The following RGS5 variants were observed in gnomAD, a reference collection of about 807,000 sequenced individuals.
RGS5 encodes the protein regulator of G-protein signalling 5.
RGS5 carries 20 observed loss-of-function variants against 18.9 expected under a neutral mutation model. The ratio of observed to expected loss-of-function variants is 1.06; its 90% confidence interval spans 0.74 to 1.54. The LOEUF (loss-of-function observed/expected upper bound fraction) is 1.54. Ranked by LOEUF, RGS5 falls within the 40% of genes most tolerant of loss-of-function variation. The pLI, the probability that RGS5 is intolerant of heterozygous loss-of-function variation, is 0.00. For missense variants in RGS5, 201 were observed against 211.8 expected, an observed-to-expected ratio of 0.95 and a Z score of 0.32; for synonymous variants, 57 against 76.2, an observed-to-expected ratio of 0.75 and a Z score of 1.31.
chr1:163,306,308 G>T (rs983358234), exon 2 of RGS5: 1 of 152,188 alleles, frequency 6.6e-6, no homozygotes, highest in Non-Finnish European at 1.5e-5. Context: ...TATCCAGACA[G>T]TGCTTTTTAA....
intron 1 of RGS5, among the ~76,000 whole-genome samples, chr1:163,314,354 T>C (rs1238633254): frequency 2.0e-5 from 3 of 152,118 alleles, no homozygotes; most frequent in Non-Finnish European, 2.9e-5. Flanking sequence ...TTGGTACTTA[T>C]ATAGAAATGC....
At chr1:163,302,509 G>A (rs1054292903) in intron 2 of RGS5, among the ~76,000 whole-genome samples, 1 of 152,110 alleles carries the variant, frequency 6.6e-6, no homozygotes, top group Non-Finnish European at 1.5e-5. Context: ...ACTCTCCCTT[G>A]TCGCTACTGG....
At chr1:163,246,102 A>C (rs1647925840) in intron 2 of RGS5, among the ~76,000 whole-genome samples, 1 of 152,084 alleles carries the variant, frequency 6.6e-6, no homozygotes, top group African/African-American at 2.4e-5. Context: ...CTGCAGTCCC[A>C]GCTACTCGGG....
rs1409918283 is a variant in RGS5 at position 163,275,299 on chromosome 1, A to G, written c.-281+30934T>C. Among the ~76,000 whole-genome samples the G allele has an allele frequency of 2.0e-5, 3 of 151,400 alleles. No individual in the cohort carries two copies. In the East Asian group the frequency reaches 5.8e-4, roughly 29 times the overall value. Reference sequence around the variant, plus strand: ...CTGATCAACCTAGGACATTCAATAAATCTTCTTAGTGCCCCCAGGTTTAGC... The same window carrying G: ...CTGATCAACCTAGGACATTCAATAAGTCTTCTTAGTGCCCCCAGGTTTAGC... On this transcript the variant is annotated intron_variant, in intron 2 of 5. Coordinates refer to the RGS5 transcript ENST00000618415.
At chr1:163,255,565 T>C (rs1648249563) in intron 2 of RGS5, among the ~76,000 whole-genome samples, 1 of 151,184 alleles carries the variant, frequency 6.6e-6, no homozygotes, top group Non-Finnish European at 1.5e-5. Context: ...CTTCTGAAAC[T>C]ATTCCAATCA....
chr1:163,151,923 A>C (rs551528505), intron 4 of RGS5, among the ~76,000 whole-genome samples: 1 of 152,334 alleles, frequency 6.6e-6, no homozygotes, highest in Non-Finnish European at 1.5e-5. Flanking sequence ...AAGATATCTT[A>C]ATATGAGACC....
rs1424040344 is a variant in RGS5, at chr1:163,142,662, T to C, written c.*4680A>G. 5 of 152,324 alleles carry C rather than the reference T, an allele frequency of 3.3e-5. No individual in the cohort carries two copies. Among genetic ancestry groups the C allele is most frequent in the Non-Finnish European group, 2.9e-5 (2 of 68,026 alleles). 9.4% of individuals were successfully genotyped at this position (152,324 alleles called of 1,614,324 possible). ...AGTGGCAAATTTCTCAGCATTTCTCTTTGTTTTGTCTATGCCTTAGCCTGT... is the reference window on the plus strand; with the variant it reads ...AGTGGCAAATTTCTCAGCATTTCTCCTTGTTTTGTCTATGCCTTAGCCTGT... On this transcript the variant is annotated 3_prime_UTR_variant, in exon 5 of 5. Coordinates refer to ENST00000313961, the MANE Select transcript of RGS5 (RefSeq NM_003617.4).
At chr1:163,261,073 T>C (rs898506528) in intron 2 of RGS5, among the ~76,000 whole-genome samples, 1 of 150,134 alleles carries the variant, frequency 6.7e-6, no homozygotes, top group African/African-American at 2.4e-5. Context: ...TCAGATGTGA[T>C]TGAAATTTAA....
chr1:163,303,502 T>C (rs1649617517), intron 2 of RGS5, among the ~76,000 whole-genome samples: 1 of 152,196 alleles, frequency 6.6e-6, no homozygotes, highest in Non-Finnish European at 1.5e-5. Context: ...TCTTTAAAAT[T>C]GGAACTTAAA....
intron 2 of RGS5, among the ~76,000 whole-genome samples, chr1:163,270,577 A>G (rs1234589054): frequency 6.6e-6 from 1 of 152,094 alleles, no homozygotes; most frequent in African/African-American, 2.4e-5. Context: ...TCTGTAGTTA[A>G]TTCAATTTGT....
At chr1:163,196,808 C>T (rs1659579615) in intron 1 of RGS5, among the ~76,000 whole-genome samples, 1 of 152,152 alleles carries the variant, frequency 6.6e-6, no homozygotes, top group Non-Finnish European at 1.5e-5. Context: ...TAGCAACACA[C>T]ACTCTTTTTC....
At chr1:163,289,085 TCA>T (rs1236241260) in intron 2 of RGS5, among the ~76,000 whole-genome samples, 1 of 152,116 alleles carries the variant, frequency 6.6e-6, no homozygotes, top group African/African-American at 2.4e-5. Flanking sequence ...TCAAATAAAT[TCA>T]CATTTATATT....
chr1:163,187,106 T>C (rs1272697833), intron 1 of RGS5, among the ~76,000 whole-genome samples: 1 of 152,148 alleles, frequency 6.6e-6, no homozygotes, highest in Non-Finnish European at 1.5e-5. Flanking sequence ...ACTCCAGCCA[T>C]CTGCACTCAC....
At chr1:163,192,260 G>A (rs1659390108) in intron 1 of RGS5, among the ~76,000 whole-genome samples, 1 of 152,108 alleles carries the variant, frequency 6.6e-6, no homozygotes, top group African/African-American at 2.4e-5. Context: ...AGTCTTGTGG[G>A]GCTGAGCCCT....
chr1:163,183,620 A>C (rs1288877038), intron 1 of RGS5, among the ~76,000 whole-genome samples: 1 of 152,230 alleles, frequency 6.6e-6, no homozygotes, highest in Non-Finnish European at 1.5e-5. Flanking sequence ...AATGTTGATA[A>C]TATCTACCTT....
At chr1:163,180,739 G>A (rs931793201) in intron 1 of RGS5, among the ~76,000 whole-genome samples, 3 of 115,354 alleles carry the variant, frequency 2.6e-5, no homozygotes, top group Non-Finnish European at 4.9e-5. Context: ...CTGTTGCCCA[G>A]GCTGGAGTGC....
intron 2 of RGS5, among the ~76,000 whole-genome samples, chr1:163,273,625 A>G (rs1379796791): frequency 6.6e-6 from 1 of 152,106 alleles, no homozygotes; most frequent in Non-Finnish European, 1.5e-5. Flanking sequence ...AGTTCTGTGA[A>G]TAGTTTCTTT....
chr1:163,171,419 A>G (rs1314520927), intron 1 of RGS5, among the ~76,000 whole-genome samples: 3 of 152,144 alleles, frequency 2.0e-5, no homozygotes, highest in African/African-American at 7.2e-5. Context: ...CCATCTGTGG[A>G]ATCCATGCTG....
chr1:163,279,076 G>C (rs1487405343), intron 2 of RGS5, among the ~76,000 whole-genome samples: 1 of 151,978 alleles, frequency 6.6e-6, no homozygotes, highest in African/African-American at 2.4e-5. Flanking sequence ...ACAATAATTG[G>C]GGACTTCAAC....
Sources: gnomAD v4.1 joint callset for allele counts (sites outside exome capture counted in the v4.1 genomes callset) on GRCh38, gnomAD v4.1.1 for gene constraint, MANE v1.5 for transcripts, NCBI Gene and HGNC (gene_info 2026-07-23, HGNC 2026-07-21) for gene names.